SDK1: variants seen among roughly 807,000 people sequenced by gnomAD.
SDK1 encodes protein sidekick-1.
Under a neutral mutation model 245.5 loss-of-function variants are expected in SDK1, and 157 were observed. That is an observed-to-expected ratio of 0.64 (90% CI 0.56 to 0.73). The LOEUF (loss-of-function observed/expected upper bound fraction) is 0.73, where lower values mean the gene tolerates loss of function less well. SDK1 is among the 30% of genes least tolerant of loss of function. The probability of loss-of-function intolerance (pLI) is 0.00; values close to 1 mark genes in which losing one functional copy is unlikely to be tolerated. For missense variants in SDK1, 3,583 were observed against 3,002.3 expected (o/e 1.19, Z -4.52); for synonymous variants, 1,647 against 1,278.5 (o/e 1.29, Z -6.15).
At chr7:4,220,383 G>C in intron 39 of SDK1, 113 bp downstream of exon 39, 1 of 1,197,552 alleles carries the variant, frequency 8.4e-7, no homozygotes, top group South Asian at 1.5e-5. Context: ...TGGCGGCCAA[G>C]AGCTGGCATC....
intron 23 of SDK1, 90 bp from the exon 24 acceptor site, chr7:4,113,199 C>G: frequency 7.2e-7 from 1 of 1,384,234 alleles, no homozygotes; most frequent in South Asian, 1.3e-5. Flanking sequence ...CTGAGCCCTC[C>G]CTTGAGAAAC....
chr7:3,520,908 A>T (rs1002460156), intron 1 of SDK1, among the ~76,000 whole-genome samples: 4 of 152,162 alleles, frequency 2.6e-5, no homozygotes, highest in Non-Finnish European at 5.9e-5. Flanking sequence ...AACAACACTC[A>T]TTTATCATTT....
At chr7:3,638,481 G>T (rs1303372545) in intron 2 of SDK1, among the ~76,000 whole-genome samples, 2 of 151,820 alleles carry the variant, frequency 1.3e-5, no homozygotes, top group African/African-American at 2.4e-5. Context: ...CATGTCCTTT[G>T]TAGGGACATG....
chr7:3,884,243 G>C (rs1781284504), intron 5 of SDK1, among the ~76,000 whole-genome samples: 1 of 152,102 alleles, frequency 6.6e-6, no homozygotes, highest in Non-Finnish European at 1.5e-5. Context: ...ACTGCACCCG[G>C]CCGCCTTTCT....
intron 16 of SDK1, among the ~76,000 whole-genome samples, chr7:4,014,901 G>C (rs930298437): frequency 1.3e-5 from 2 of 152,170 alleles, no homozygotes; most frequent in African/African-American, 4.8e-5. Context: ...CAACGTGACT[G>C]TTCCGGAGGG....
intron 5 of SDK1, among the ~76,000 whole-genome samples, chr7:3,911,773 G>A (rs909446113): frequency 1.3e-5 from 2 of 152,190 alleles, no homozygotes; most frequent in Non-Finnish European, 2.9e-5. Flanking sequence ...GTGAAAATGA[G>A]TCAGCTGAAC....
Position 4,049,421 on chromosome 7 carries a change from T to G in SDK1, c.2676T>G (p.Pro892=), listed in dbSNP as rs1254989325. 1 of 1,613,998 alleles carries G rather than the reference T, an allele frequency of 6.2e-7. No homozygotes were observed. The highest frequency in any genetic ancestry group is 8.5e-7 in the Non-Finnish European group (1 of 1,180,014). The part of the protein sequence containing the change: ...NSTTIQFLWN[P]PPQQFINGIN... ...CCACCATTCAGTTCCTGTGGAACCC[T>G]CCGCCTCAGCAGTTTATCAATGGCA... Residue 892 remains proline (P), a synonymous_variant, in exon 18 of 45, where the codon CCT becomes CCG. Coordinates refer to ENST00000404826, the MANE Select transcript of SDK1 (RefSeq NM_152744.4).
intron 18 of SDK1, among the ~76,000 whole-genome samples, chr7:4,049,737 C>T (rs761221822): frequency 1.3e-5 from 2 of 152,164 alleles, no homozygotes; most frequent in African/African-American, 4.8e-5. Flanking sequence ...GGGTGGGAGA[C>T]GTGTCTCAGT....
rs138664784 is a variant in SDK1 at position 4,142,010 on chromosome 7, C to T, written c.4229-3712C>T. ...GACCTTTTGATCCACCTGCCTCGGC[C>T]TCCCAAAGTGCTGGGATCATAGGTG... On this transcript the variant is annotated intron_variant, in intron 28 of 44. Coordinates refer to ENST00000404826, the MANE Select transcript of SDK1 (RefSeq NM_152744.4). 4.3e-4 allele frequency among the ~76,000 whole-genome samples: 66 copies of T among 152,214 alleles called. 2 individuals are homozygous for T. In the East Asian group the frequency reaches 0.013, roughly 29 times the overall value.
chr7:4,190,777 C>T lies in SDK1; in HGVS notation c.5098+12191C>T, dbSNP rs116252044. On this transcript the variant is annotated intron_variant, in intron 35 of 44. Transcript: ENST00000404826. ...ACGCTATCCCGGGACAGCCTCTTGCCAAAGGGCGGGTGATAGGAGCAGCTT... is the reference window on the plus strand; with the variant it reads ...ACGCTATCCCGGGACAGCCTCTTGCTAAAGGGCGGGTGATAGGAGCAGCTT... Among the ~76,000 whole-genome samples, 1,503 of 152,344 alleles carry T rather than the reference C, an allele frequency of 9.9e-3. 25 individuals carry two copies. The highest frequency in any genetic ancestry group is 0.034 in the African/African-American group (1,422 of 41,576).
intron 4 of SDK1, among the ~76,000 whole-genome samples, chr7:3,780,968 C>T (rs923644549): frequency 3.3e-5 from 5 of 152,008 alleles, no homozygotes; most frequent in Admixed American, 1.3e-4. Flanking sequence ...AGTGACCCGA[C>T]GTAAGCAGGG....
Position 3,556,783 on chromosome 7 carries a change from G to T in SDK1, c.299-62297G>T, listed in dbSNP as rs141526820. The stretch of plus-strand genomic sequence containing the variant: ...CACTCCAGCCTGGGCAGCAGAGTGA[G>T]ATTCTGTTTCAAATAAATAAATAAA... On this transcript the variant is annotated intron_variant, in intron 1 of 44. Coordinates refer to ENST00000404826, the MANE Select transcript of SDK1 (RefSeq NM_152744.4). 2.6e-3 allele frequency among the ~76,000 whole-genome samples: 402 copies of T among 152,260 alleles called. 2 individuals are homozygous for T. The highest frequency in any genetic ancestry group is 9.1e-3 in the African/African-American group (378 of 41,552).
chr7:3,946,237 G>C (rs1780572923), intron 5 of SDK1, among the ~76,000 whole-genome samples: 2 of 151,948 alleles, frequency 1.3e-5, no homozygotes, highest in Admixed American at 1.3e-4. Flanking sequence ...GAGTGCAGTG[G>C]TGTGATCATA....
chr7:3,811,706 T>G (rs997767463), intron 4 of SDK1, among the ~76,000 whole-genome samples: 1 of 152,122 alleles, frequency 6.6e-6, no homozygotes, highest in African/African-American at 2.4e-5. Context: ...ATGTGCTGCC[T>G]GGCCGTGCAG....
chr7:3,513,673 C>T (rs1312818562), intron 1 of SDK1, among the ~76,000 whole-genome samples: 1 of 152,010 alleles, frequency 6.6e-6, no homozygotes, highest in Non-Finnish European at 1.5e-5. Context: ...TATACATGTG[C>T]AAATTTGTTA....
At chr7:3,333,036 G>A (rs945577243) in intron 1 of SDK1, among the ~76,000 whole-genome samples, 2 of 152,120 alleles carry the variant, frequency 1.3e-5, no homozygotes, top group African/African-American at 2.4e-5. Flanking sequence ...TAAGGGCAGC[G>A]CCAAGAAAGG....
At chr7:3,360,587 GTTTC>G (rs1263285167) in intron 1 of SDK1, among the ~76,000 whole-genome samples, 1 of 152,158 alleles carries the variant, frequency 6.6e-6, no homozygotes, top group Non-Finnish European at 1.5e-5. Flanking sequence ...AGATACAAAT[GTTTC>G]TTTCCCAGGT....
chr7:4,157,214 C>T (rs906320835), intron 30 of SDK1, among the ~76,000 whole-genome samples: 11 of 151,332 alleles, frequency 7.3e-5, no homozygotes, highest in African/African-American at 2.7e-4. Context: ...TGGGGCTTGG[C>T]ACAGGAGACC....
intron 4 of SDK1, among the ~76,000 whole-genome samples, chr7:3,654,551 A>G (rs1026103323): frequency 7.2e-5 from 11 of 152,208 alleles, no homozygotes; most frequent in Admixed American, 2.6e-4. Flanking sequence ...TTTGACATCT[A>G]CACCATCACA....
Sources: gnomAD v4.1 joint callset for allele counts (sites outside exome capture counted in the v4.1 genomes callset) on GRCh38, gnomAD v4.1.1 for gene constraint, MANE v1.5 for transcripts, NCBI Gene and HGNC (gene_info 2026-07-23, HGNC 2026-07-21) for gene names.